CCDC85A: variants seen among roughly 807,000 people sequenced by gnomAD.
CCDC85A encodes the protein coiled-coil domain containing 85A.
A neutral mutation model predicts 50.2 loss-of-function variants in CCDC85A; 38 were observed. The ratio of observed to expected loss-of-function variants is 0.76; its 90% CI spans 0.58 to 0.99. The LOEUF is 0.99. Among genes scored for constraint, CCDC85A ranks in the 50% least tolerant of loss-of-function variants. The pLI is 0.00. For synonymous variants in CCDC85A, 366 were observed against 301.4 expected (o/e 1.21, Z -2.22); for missense variants, 820 against 742.0 (o/e 1.11, Z -1.22).
chr2:56,357,443 A>C (rs1279081745), intron 3 of CCDC85A, among the ~76,000 whole-genome samples: 2 of 152,192 alleles, frequency 1.3e-5, no homozygotes, highest in African/African-American at 4.8e-5. Context: ...TTGGTCTTTA[A>C]ACCATTTGAA....
At chr2:56,210,938 G>A (rs1315718231) in intron 2 of CCDC85A, among the ~76,000 whole-genome samples, 2 of 152,046 alleles carry the variant, frequency 1.3e-5, no homozygotes, top group Admixed American at 1.3e-4. Context: ...TGAGCTAAGT[G>A]ACAAGGAGTT....
chr2:56,219,511 T>G (rs1432651958), intron 2 of CCDC85A, among the ~76,000 whole-genome samples: 1 of 151,702 alleles, frequency 6.6e-6, no homozygotes, highest in Admixed American at 6.6e-5. Flanking sequence ...GCTTGTAAAG[T>G]TTCCTACAAA....
chr2:56,364,760 AT>A (rs1558660645), intron 3 of CCDC85A, among the ~76,000 whole-genome samples: 1 of 152,238 alleles, frequency 6.6e-6, no homozygotes, highest in African/African-American at 2.4e-5. Context: ...TCAAATAGAC[AT>A]TAAAGTTCAT....
chr2:56,370,971 T>C (rs916084757), intron 3 of CCDC85A, among the ~76,000 whole-genome samples: 1 of 152,124 alleles, frequency 6.6e-6, no homozygotes, highest in African/African-American at 2.4e-5. Context: ...ATCTCAGAAA[T>C]AGAATTATGC....
intron 2 of CCDC85A, among the ~76,000 whole-genome samples, chr2:56,315,824 T>C (rs1672896438): frequency 1.3e-5 from 2 of 152,292 alleles, no homozygotes; most frequent in Admixed American, 6.5e-5. Context: ...TTTGAGACTC[T>C]GCTGTGTGCT....
chr2:56,215,234 A>G lies in CCDC85A; in HGVS notation c.1240+21794A>G, dbSNP rs377287617. On this transcript the variant is annotated intron_variant, in intron 2 of 5. Transcript: ENST00000407595. Reference sequence around the variant, plus strand: ...GTTAACCTTGTATCCTCTGACCTATACTTGCTTACTAGTTTCAGTTCCAAA... The same window carrying G: ...GTTAACCTTGTATCCTCTGACCTATGCTTGCTTACTAGTTTCAGTTCCAAA... Among the ~76,000 whole-genome samples the G allele has an allele frequency of 7.8e-4, 119 of 151,988 alleles. 1 individual carries two copies. The highest frequency in any genetic ancestry group is 2.7e-3 in the African/African-American group (113 of 41,504).
rs939184610 is a variant in CCDC85A, at chr2:56,293,351, G to A, written c.1241-49528G>A. Among the ~76,000 whole-genome samples the A allele has an allele frequency of 9.2e-5, 14 of 152,278 alleles. No individual in the cohort carries two copies. The East Asian group carries it at 1.4e-3, about 15-fold the overall frequency. On this transcript the variant is annotated intron_variant, in intron 2 of 5. Transcript: ENST00000407595. ...CTCAAGATGGATTAAAGACTTAAAT[G>A]TAAAGTCCGAAACTATAAAAACCCT...
intron 2 of CCDC85A, among the ~76,000 whole-genome samples, chr2:56,224,314 G>C (rs1668452952): frequency 6.6e-6 from 1 of 151,876 alleles, no homozygotes; most frequent in Admixed American, 6.6e-5. Context: ...TTTTCACTGG[G>C]GACTAATATA....
intron 2 of CCDC85A, among the ~76,000 whole-genome samples, chr2:56,213,396 T>C (rs910547902): frequency 6.6e-6 from 1 of 151,932 alleles, no homozygotes; most frequent in African/African-American, 2.4e-5. Flanking sequence ...AGGTTCAGAA[T>C]GGTTTGGGTG....
intron 2 of CCDC85A, among the ~76,000 whole-genome samples, chr2:56,274,557 CA>C (rs1338921025): frequency 1.3e-5 from 2 of 152,170 alleles, no homozygotes; most frequent in African/African-American, 4.8e-5. Flanking sequence ...GGATAAAGCC[CA>C]CCCACATTGT....
chr2:56,184,298 T>C lies in CCDC85A; in HGVS notation c.-327T>C. On this transcript the variant is annotated 5_prime_UTR_variant, in exon 1 of 6. Transcript: ENST00000407595. The stretch of plus-strand genomic sequence containing the variant: ...GAGGGCAGGGGAACGGCGGTGCAGC[T>C]CCCCCGCTGTCCCCGAGGATTTCCC... The C allele has an allele frequency of 1.6e-6, 1 of 636,934 alleles. No individual in the cohort carries two copies. 39.5% of individuals were successfully genotyped at this position (636,934 alleles called of 1,614,324 possible). A position where few individuals can be genotyped will look rare whatever the true frequency, so the allele number is the denominator to read the frequency against.
chr2:56,298,412 C>A (rs926663220), intron 2 of CCDC85A, among the ~76,000 whole-genome samples: 2 of 151,882 alleles, frequency 1.3e-5, no homozygotes, highest in African/African-American at 4.8e-5. Flanking sequence ...TTATAGGCTG[C>A]GTTTGGAAAA....
intron 2 of CCDC85A, among the ~76,000 whole-genome samples, chr2:56,305,187 A>G (rs150688539): frequency 6.0e-4 from 91 of 152,270 alleles, no homozygotes; most frequent in Non-Finnish European, 1.2e-3. Context: ...TATATTTAGG[A>G]CATTATACTA....
At position 56,192,453 on chromosome 2, in the gene CCDC85A, G is replaced by C. The variant is rs776159034; in HGVS notation, c.277-24G>C. 2 of 1,585,024 alleles carry C rather than the reference G, an allele frequency of 1.3e-6. No homozygotes were observed. Among genetic ancestry groups the C allele is most frequent in the East Asian group, 4.5e-5 (2 of 44,676 alleles). On this transcript the variant is annotated intron_variant, in intron 1 of 5. Transcript: ENST00000407595. This position sits in a 1 kb window ranked among gnomAD's most constrained non-coding sequence, Gnocchi z 4.7. ...GACACCTCAGATGTGTACTTCCCTT[G>C]AATGGTTGTGTCTCTCTTTTCAGGA...
At position 56,284,864 on chromosome 2, in the gene CCDC85A, A is replaced by G. The variant is rs1381538918; in HGVS notation, c.1241-58015A>G. On this transcript the variant is annotated intron_variant, in intron 2 of 5. Transcript: ENST00000407595. ...CATTATGAATTGTCTTTCATTATCT[A>G]CAATAATAATCCTTGTCTTAAAGAC... is the stretch of plus-strand genomic sequence containing the variant. Among the ~76,000 whole-genome samples the G allele has an allele frequency of 3.3e-5, 5 of 152,320 alleles. No homozygotes were observed. The East Asian group carries it at 9.7e-4, about 29-fold the overall frequency.
At chr2:56,366,108 A>C (rs1385002269) in intron 3 of CCDC85A, among the ~76,000 whole-genome samples, 1 of 152,200 alleles carries the variant, frequency 6.6e-6, no homozygotes, top group Non-Finnish European at 1.5e-5. Flanking sequence ...TTTAAGGCTG[A>C]ATAGTATTCT....
In CCDC85A at chr2:56,320,043, G is replaced by A. The variant is rs545589559; in HGVS notation, c.1241-22836G>A. On this transcript the variant is annotated intron_variant, in intron 2 of 5. Transcript: ENST00000407595. Reference sequence around the variant, plus strand: ...CAACCTGCTCCTGAATGACTACTGGGTACATAACAAAATGAAGGCAGAAAT... The same window carrying A: ...CAACCTGCTCCTGAATGACTACTGGATACATAACAAAATGAAGGCAGAAAT... Among the ~76,000 whole-genome samples, 6 of 152,208 alleles carry A rather than the reference G, an allele frequency of 3.9e-5. No individual in the cohort carries two copies. The South Asian group carries it at 1.2e-3, about 32-fold the overall frequency.
At chr2:56,190,842 C>G (rs186200132) in intron 1 of CCDC85A, among the ~76,000 whole-genome samples, 1 of 152,300 alleles carries the variant, frequency 6.6e-6, no homozygotes, top group East Asian at 1.9e-4. Flanking sequence ...TCCTCCCCTA[C>G]CCCAGTCAGT....
intron 2 of CCDC85A, among the ~76,000 whole-genome samples, chr2:56,260,436 A>ACTT (rs1670169915): frequency 6.6e-6 from 1 of 152,216 alleles, no homozygotes; most frequent in African/African-American, 2.4e-5. Context: ...GTCATGCTTG[A>ACTT]AATAAAACTT....
Sources: allele counts gnomAD v4.1 joint callset (sites outside exome capture counted in the v4.1 genomes callset), GRCh38; gene constraint gnomAD v4.1.1; non-coding constraint Gnocchi (gnomAD v3.1); transcripts MANE v1.5; gene names NCBI Gene and HGNC (gene_info 2026-07-23, HGNC 2026-07-21).